CNIH3: variants seen among roughly 807,000 people sequenced by gnomAD.
CNIH3 encodes protein cornichon homolog 3.
Under a neutral mutation model 24.1 loss-of-function variants are expected in CNIH3, and 14 were observed. That is an observed-to-expected ratio of 0.58 (90% CI 0.38 to 0.91). The LOEUF is 0.91. Ranked by LOEUF, CNIH3 falls within the 40% of genes least tolerant of loss-of-function variation. CNIH3 has a pLI of 0.00. For synonymous variants in CNIH3, 68 were observed against 73.8 expected, an observed-to-expected ratio of 0.92 and a Z score of 0.40; for missense variants, 178 against 196.8, an observed-to-expected ratio of 0.90 and a Z score of 0.57.
At chr1:224,531,113 G>T (rs1679054270) in intron 2 of CNIH3, among the ~76,000 whole-genome samples, 2 of 152,336 alleles carry the variant, frequency 1.3e-5, no homozygotes, top group South Asian at 4.1e-4. Flanking sequence ...CAAGGAGAAA[G>T]ATTCAGGAAT....
At position 224,659,269 on chromosome 1, in the gene CNIH3, G is replaced by A. The variant is rs374110540; in HGVS notation, c.82-21689G>A. 2.0e-5 allele frequency among the ~76,000 whole-genome samples: 3 copies of A among 152,258 alleles called. No homozygotes were observed. The South Asian group carries it at 6.2e-4, about 32-fold the overall frequency. ...GAGTAGGTGCCTTTTTCAGACCCAG[G>A]AGTCAGTGCCCCGTAACTTAATAGC... On this transcript the variant is annotated intron_variant, in intron 1 of 5. Coordinates refer to ENST00000272133, the MANE Select transcript of CNIH3 (RefSeq NM_152495.2).
At chr1:224,440,818 G>GTT (rs1207663279) in intron 1 of CNIH3, among the ~76,000 whole-genome samples, 38 of 142,712 alleles carry the variant, frequency 2.7e-4, no homozygotes, top group Non-Finnish European at 3.2e-4. Context: ...ACAGTATTAA[G>GTT]TTTTTTTTTT....
At chr1:224,574,862 A>T in intron 4 of CNIH3, 5 of 974,792 alleles carry the variant, frequency 5.1e-6, no homozygotes, top group Non-Finnish European at 8.3e-6. Context: ...TTCTGGACAC[A>T]TGGGCGGGCA....
intron 1 of CNIH3, among the ~76,000 whole-genome samples, chr1:224,630,488 TTC>T (rs1156550254): frequency 6.6e-6 from 1 of 152,042 alleles, no homozygotes; most frequent in African/African-American, 2.4e-5. Context: ...AAAAGGTAGT[TTC>T]TCTCTCACAC....
exon 1 of CNIH3, chr1:224,434,737 C>G (rs973181134): frequency 1.7e-5 from 17 of 986,488 alleles, no homozygotes; most frequent in Non-Finnish European, 1.9e-5. Context: ...CCGCCTCTGT[C>G]CTCGGATCCG....
intron 5 of CNIH3, among the ~76,000 whole-genome samples, chr1:224,583,762 C>G (rs896423742): frequency 6.6e-6 from 1 of 152,108 alleles, no homozygotes; most frequent in Non-Finnish European, 1.5e-5. Flanking sequence ...TTGTTATATT[C>G]CCTGGCTAAA....
chr1:224,548,570 C>T (rs57245548), intron 3 of CNIH3, among the ~76,000 whole-genome samples: 2,564 of 151,900 alleles, frequency 0.017, 62 homozygotes, highest in African/African-American at 0.054. Context: ...TGATATTATT[C>T]ATTATTTCTA....
At chr1:224,662,104 T>C (rs1202081764) in intron 1 of CNIH3, among the ~76,000 whole-genome samples, 1 of 152,248 alleles carries the variant, frequency 6.6e-6, no homozygotes, top group Non-Finnish European at 1.5e-5. Context: ...GAACATTCCA[T>C]AATTTTTTTA....
downstream of CNIH3, among the ~76,000 whole-genome samples, chr1:224,538,499 T>C (rs887716631): frequency 1.3e-5 from 2 of 152,072 alleles, no homozygotes; most frequent in African/African-American, 4.8e-5. Context: ...TATATACAGG[T>C]AGCAATCTTG....
upstream of CNIH3, among the ~76,000 whole-genome samples, chr1:224,611,822 C>T (rs1558210089): frequency 6.6e-6 from 1 of 152,156 alleles, no homozygotes; most frequent in Non-Finnish European, 1.5e-5. Flanking sequence ...TAAACACTGC[C>T]TTGTGAAGGA....
intron 2 of CNIH3, among the ~76,000 whole-genome samples, chr1:224,544,727 A>G (rs1679638512): frequency 6.6e-6 from 1 of 152,316 alleles, no homozygotes; most frequent in African/African-American, 2.4e-5. Flanking sequence ...GGAACTCAAG[A>G]GCTCTCAGTT....
intron 3 of CNIH3, among the ~76,000 whole-genome samples, chr1:224,564,727 C>T (rs1465637989): frequency 1.3e-5 from 2 of 152,262 alleles, no homozygotes; most frequent in Non-Finnish European, 2.9e-5. Context: ...GCAGAGCCAC[C>T]TCAATGCACT....
intron 1 of CNIH3, among the ~76,000 whole-genome samples, chr1:224,623,821 C>T (rs1683396136): frequency 6.6e-6 from 1 of 152,172 alleles, no homozygotes; most frequent in Non-Finnish European, 1.5e-5. Context: ...TGTCTTCAGC[C>T]ACTGCCCTTC....
intron 1 of CNIH3, among the ~76,000 whole-genome samples, chr1:224,655,368 C>G (rs1241009629): frequency 1.3e-5 from 2 of 152,090 alleles, no homozygotes; most frequent in Non-Finnish European, 1.5e-5. Flanking sequence ...TTCTTCAGAG[C>G]CTGCCAGGGC....
chr1:224,434,764 G>A (rs1382001967), exon 1 of CNIH3: 6 of 986,334 alleles, frequency 6.1e-6, no homozygotes, highest in Non-Finnish European at 7.2e-6. Flanking sequence ...TCTGCTCCCT[G>A]GTGTGTTGAT....
intron 2 of CNIH3, among the ~76,000 whole-genome samples, chr1:224,529,687 A>G (rs1336734409): frequency 6.6e-6 from 1 of 152,234 alleles, no homozygotes; most frequent in Non-Finnish European, 1.5e-5. Flanking sequence ...GTGGGGAGGC[A>G]GAGAGGGAAG....
At chr1:224,588,090 T>G (rs1038420301) in intron 5 of CNIH3, among the ~76,000 whole-genome samples, 6 of 152,206 alleles carry the variant, frequency 3.9e-5, no homozygotes, top group African/African-American at 1.2e-4. Context: ...CCTAGATATT[T>G]GCTGTATTCT....
rs570205350 is a variant in CNIH3, at chr1:224,625,513, G to C, written c.81+8258G>C. Among the ~76,000 whole-genome samples the C allele has an allele frequency of 3.3e-5, 5 of 152,342 alleles. No homozygotes were observed. The South Asian group carries it at 1.0e-3, about 32-fold the overall frequency. ...AGAGCTGGCAGTGAGCTGAGATGGC[G>C]CCACTGCACTCCAGCCTGGGCGACA... On this transcript the variant is annotated intron_variant, in intron 1 of 5. Coordinates refer to ENST00000272133, the MANE Select transcript of CNIH3 (RefSeq NM_152495.2).
intron 1 of CNIH3, among the ~76,000 whole-genome samples, chr1:224,507,633 C>T (rs1048088101): frequency 4.6e-5 from 7 of 152,312 alleles, no homozygotes; most frequent in Admixed American, 1.3e-4. Context: ...AGCCCCAAAA[C>T]TCACCTTCAT....
Sources: allele counts gnomAD v4.1 joint callset (sites outside exome capture counted in the v4.1 genomes callset), GRCh38; gene constraint gnomAD v4.1.1; transcripts MANE v1.5; gene names NCBI Gene and HGNC (gene_info 2026-07-23, HGNC 2026-07-21).